The following SPPL2A variants were observed in gnomAD, a reference collection of about 807,000 sequenced individuals.
SPPL2A encodes signal peptide peptidase-like 2A.
In SPPL2A, 51 loss-of-function variants were observed where a neutral mutation model predicts 63.8. The observed-to-expected ratio is 0.80, with a 90% CI of 0.64 to 1.01. The LOEUF is 1.01. Ranked by LOEUF, SPPL2A falls within the 50% of genes least tolerant of loss-of-function variation. The pLI is 0.00. For synonymous variants in SPPL2A, 188 were observed against 205.8 expected (o/e 0.91, Z 0.74); for missense variants, 553 against 622.7 (o/e 0.89, Z 1.19).
chr15:50,751,822 T>C (rs1296699587), intron 1 of SPPL2A, among the ~76,000 whole-genome samples: 1 of 152,136 alleles, frequency 6.6e-6, no homozygotes, highest in Non-Finnish European at 1.5e-5. Context: ...CTTTGTTTTT[T>C]TCTTTTGTTT....
At chr15:50,739,470 C>T (rs1255955216) in intron 6 of SPPL2A, among the ~76,000 whole-genome samples, 1 of 151,908 alleles carries the variant, frequency 6.6e-6, no homozygotes, top group Non-Finnish European at 1.5e-5. Flanking sequence ...TGAGTCACTG[C>T]TCCTGGCACA....
intron 10 of SPPL2A, among the ~76,000 whole-genome samples, chr15:50,726,840 A>C (rs2062691616): frequency 6.6e-6 from 1 of 152,194 alleles, no homozygotes; most frequent in Admixed American, 6.6e-5. Context: ...TATTTGAATA[A>C]ATATACATCT....
At position 50,707,736 on chromosome 15, in the gene SPPL2A, AATT is replaced by A; in HGVS notation, c.*61_*63del. On this transcript the variant is annotated 3_prime_UTR_variant, in exon 15 of 15. Transcript: ENST00000261854. ...CTTTCAGATTGTCAATTCAAAAGTCAATTTAAAAAGTCGAAGTCTATTTGTAGA... is the reference window on the plus strand; with the variant it reads ...CTTTCAGATTGTCAATTCAAAAGTCATAAAAAGTCGAAGTCTATTTGTAGA... The A allele has an allele frequency of 1.2e-6, 1 of 852,796 alleles. No homozygotes were observed. 52.8% of individuals were successfully genotyped at this position (852,796 alleles called of 1,614,324 possible).
Position 50,736,698 on chromosome 15 carries a change from C to A in SPPL2A, c.776G>T (p.Ser259Ile). The A allele has an allele frequency of 2.5e-6, 4 of 1,610,270 alleles. No homozygotes were observed. The highest frequency in any genetic ancestry group is 3.4e-6 in the Non-Finnish European group (4 of 1,177,148). The change falls in exon 7 of 15, where the codon AGT (serine) becomes ATT (isoleucine). Residue 259 changes from serine (S) to isoleucine (I), a missense_variant. Physicochemically the swap from Ser to Ile is moderately radical, Grantham distance 142. Coordinates refer to ENST00000261854, the MANE Select transcript of SPPL2A (RefSeq NM_032802.4). ...IAIFCIASAM[S>I]LYNCLAALIH... ...TAGTGCAGCAAGACAGTTGTACAGA[C>A]TCATTGCTGATGCTATGCAGAAAAT...
rs1001525924 is a variant in SPPL2A at position 50,751,953 on chromosome 15, C to T, written c.67-2207G>A. Reference sequence around the variant, plus strand: ...TCAAGCAATTCTCCTGCTTCAGCCTCCTGAGTAGCTGGGATTATAGGTGCC... The same window carrying T: ...TCAAGCAATTCTCCTGCTTCAGCCTTCTGAGTAGCTGGGATTATAGGTGCC... On this transcript the variant is annotated intron_variant, in intron 1 of 14. Transcript: ENST00000261854. Among the ~76,000 whole-genome samples the T allele has an allele frequency of 7.9e-5, 12 of 152,086 alleles. No homozygotes were observed. In the South Asian group the frequency reaches 8.3e-4, roughly 11 times the overall value.
chr15:50,720,922 T>C lies in SPPL2A; in HGVS notation c.1328-822A>G, dbSNP rs564816640. 5.9e-5 allele frequency among the ~76,000 whole-genome samples: 9 copies of C among 152,274 alleles called. No homozygotes were observed. The East Asian group carries it at 1.5e-3, about 26-fold the overall frequency. ...GTTTCTAATTTTAAAGATGAGGCAA[T>C]GGAGGAACAGGGAGTTTAAGTTGTC... On this transcript the variant is annotated intron_variant, in intron 13 of 14. Transcript: ENST00000261854.
rs754728976 is a variant in SPPL2A at position 50,749,675 on chromosome 15, G to A, written c.138C>T (p.Asn46=). The part of the protein sequence containing the change: ...GTTKDYCMLY[N]PYWTALPSTL... ...TACTTGGAAGAGCTGTCCAATAAGG[G>A]TTATAAAGCATGCAGTAGTCCTTGG... Residue 46 remains asparagine (N), a synonymous_variant, in exon 2 of 15, where the codon AAC becomes AAT. Coordinates refer to ENST00000261854, the MANE Select transcript of SPPL2A (RefSeq NM_032802.4). 1 of 1,612,024 alleles carries A rather than the reference G, an allele frequency of 6.2e-7. No homozygotes were observed. The highest frequency in any genetic ancestry group is 2.2e-5 in the East Asian group (1 of 44,876).
At chr15:50,708,198 T>C (rs1484008312) in intron 14 of SPPL2A, among the ~76,000 whole-genome samples, 3 of 152,188 alleles carry the variant, frequency 2.0e-5, no homozygotes, top group Non-Finnish European at 4.4e-5. Context: ...CTGACACTTA[T>C]TCCAGGACAC....
rs1259576898 is a variant in SPPL2A, at chr15:50,765,579, A to C, written c.-46T>G. On this transcript the variant is annotated 5_prime_UTR_variant, in exon 1 of 15. Transcript: ENST00000261854. ...GGGACGGCACGGTGCGGCGCAGCTCACTCGGCGGGGTAGGCTCGGAGTCCC... is the reference window on the plus strand; with the variant it reads ...GGGACGGCACGGTGCGGCGCAGCTCCCTCGGCGGGGTAGGCTCGGAGTCCC... 4.1e-5 allele frequency: 54 copies of C among 1,302,256 alleles called. No individual in the cohort carries two copies. The highest frequency in any genetic ancestry group is 7.1e-5 in the South Asian group (4 of 56,354). The allele number at this position is 1,302,256 out of a possible 1,614,324, so 80.7% of individuals were successfully genotyped here.
intron 8 of SPPL2A, among the ~76,000 whole-genome samples, chr15:50,734,704 C>A (rs949511711): frequency 1.1e-4 from 16 of 152,158 alleles, no homozygotes; most frequent in Admixed American, 1.0e-3. Context: ...AAAGAAATGA[C>A]AAAGGCTTGA....
In SPPL2A at chr15:50,714,985, G is replaced by T. The variant is rs2062590281; in HGVS notation, c.1488+4955C>A. 2.6e-5 allele frequency among the ~76,000 whole-genome samples: 4 copies of T among 151,902 alleles called. No individual in the cohort carries two copies. The South Asian group carries it at 8.3e-4, about 32-fold the overall frequency. On this transcript the variant is annotated intron_variant, in intron 14 of 14. Transcript: ENST00000261854. ...TTTTTCTCAAGATCATGATTTTTAA[G>T]AAGTTTTTTTTGGTGTTTTTTTTTG...
intron 5 of SPPL2A, chr15:50,742,852 T>C (rs945045974): frequency 1.3e-5 from 2 of 152,188 alleles, no homozygotes; most frequent in Non-Finnish European, 2.9e-5. Context: ...AAAGCTGATA[T>C]GTACTCCCCT....
intron 12 of SPPL2A, among the ~76,000 whole-genome samples, chr15:50,724,391 A>G (rs2062670362): frequency 6.6e-6 from 1 of 152,110 alleles, no homozygotes; most frequent in African/African-American, 2.4e-5. Context: ...CCTGGCTAAC[A>G]CGGTGAAACC....
At chr15:50,762,065 G>A (rs959333390) in intron 1 of SPPL2A, among the ~76,000 whole-genome samples, 1 of 151,862 alleles carries the variant, frequency 6.6e-6, no homozygotes, top group Non-Finnish European at 1.5e-5. Context: ...GGGAAGGAGA[G>A]GTGCAAAATG....
At chr15:50,726,786 C>G (rs1287205522) in intron 10 of SPPL2A, among the ~76,000 whole-genome samples, 4 of 152,154 alleles carry the variant, frequency 2.6e-5, no homozygotes, top group African/African-American at 9.7e-5. Context: ...GAAGATCATA[C>G]TAAAATCTTT....
intron 13 of SPPL2A, among the ~76,000 whole-genome samples, chr15:50,720,812 C>T (rs2062640365): frequency 6.6e-6 from 1 of 151,964 alleles, no homozygotes; most frequent in South Asian, 2.1e-4. Context: ...GAGCACCGCG[C>T]CCGGCCTGAA....
rs532365301 is a variant in SPPL2A at position 50,733,896 on chromosome 15, G to C, written c.933-1212C>G. ...TCCAAAGACATAAAAATAACCAACA[G>C]ATATATGAAAAAATGCTCAACATCT... On this transcript the variant is annotated intron_variant, in intron 8 of 14. Transcript: ENST00000261854. 1.7e-4 allele frequency among the ~76,000 whole-genome samples: 26 copies of C among 151,910 alleles called. No individual in the cohort carries two copies. In the South Asian group the frequency reaches 4.4e-3, roughly 25 times the overall value.
At chr15:50,754,114 G>T (rs997488597) in intron 1 of SPPL2A, among the ~76,000 whole-genome samples, 1 of 152,120 alleles carries the variant, frequency 6.6e-6, no homozygotes, top group Non-Finnish European at 1.5e-5. Flanking sequence ...TTTCTTAAAA[G>T]ACTTTATTTT....
At chr15:50,733,475 C>T (rs1004703077) in intron 8 of SPPL2A, among the ~76,000 whole-genome samples, 1 of 151,922 alleles carries the variant, frequency 6.6e-6, no homozygotes, top group African/African-American at 2.4e-5. Flanking sequence ...TATTTTTTTG[C>T]ACTTTGCTTT....
Sources: allele counts gnomAD v4.1 joint callset (sites outside exome capture counted in the v4.1 genomes callset), GRCh38; gene constraint gnomAD v4.1.1; transcripts MANE v1.5; gene names NCBI Gene and HGNC (gene_info 2026-07-23, HGNC 2026-07-21).